Variants in CCNL1 observed in about 807,000 individuals in gnomAD.
CCNL1 encodes the protein cyclin-L1.
Under a neutral mutation model 60.6 loss-of-function variants are expected in CCNL1, and 13 were observed. The ratio of observed to expected loss-of-function variants is 0.21; its 90% confidence interval spans 0.14 to 0.34. CCNL1 has a LOEUF of 0.34. CCNL1 is among the 10% of genes least tolerant of loss of function. The pLI is 1.00. For synonymous variants in CCNL1, 270 were observed against 244.3 expected, an observed-to-expected ratio of 1.10 and a Z score of -0.98; for missense variants, 481 against 664.3, an observed-to-expected ratio of 0.72 and a Z score of 3.03.
At chr3:157,156,313 G>A (rs139306510) in intron 3 of CCNL1, among the ~76,000 whole-genome samples, 168 of 152,280 alleles carry the variant, frequency 1.1e-3, no homozygotes, top group African/African-American at 3.8e-3. Context: ...GTAGAAAGGT[G>A]GTAGACTAAA....
chr3:157,148,341 T>G lies in CCNL1; in HGVS notation c.1481A>C (p.His494Pro). 6.2e-7 allele frequency: 1 copy of G among 1,614,236 alleles called. No homozygotes were observed. Among genetic ancestry groups the G allele is most frequent in the Non-Finnish European group, 8.5e-7 (1 of 1,180,030 alleles). The change falls in exon 11 of 11, where the codon CAT becomes CCT. Residue 494 changes from histidine (H) to proline (P), a missense_variant. This residue lies in a region of CCNL1 where 197 missense variants were observed against 233.9 expected (regional missense o/e 0.84). Transcript: ENST00000295926. ...AAKKHRHERGHHRDRRERSRS... is the reference protein window; with the variant it reads ...AAKKHRHERGPHRDRRERSRS... ...AGATCGTTCACGCCTGTCCCTATGA[T>G]GTCCCCTTTCATGCCTGTGTTTCTT...
chr3:157,155,727 C>T (rs918930904), intron 3 of CCNL1, among the ~76,000 whole-genome samples: 2 of 152,114 alleles, frequency 1.3e-5, no homozygotes, highest in African/African-American at 4.8e-5. Context: ...TACATTAGTA[C>T]CTTCTGTTGC....
chr3:157,150,435 G>A (rs1738096898), intron 5 of CCNL1, 54 bp from the exon 6 acceptor site: 1 of 1,571,600 alleles, frequency 6.4e-7, no homozygotes, highest in East Asian at 2.3e-5. Context: ...TTCTTCTGAA[G>A]CTTACATAAA....
intron 4 of CCNL1, chr3:157,152,491 A>C: frequency 8.4e-7 from 1 of 1,185,538 alleles, no homozygotes; most frequent in Non-Finnish European, 1.0e-6. Flanking sequence ...TTTCATTGGC[A>C]CTTTACTATG....
In CCNL1 at chr3:157,148,509, C is replaced by T. The variant is rs748246366; in HGVS notation, c.1313G>A (p.Arg438Gln). ...AGGAGAACCATGATTATGATGTCTT[C>T]GAGGGCTTTCACTGTGACTGCGGGA... ...SRSRSHSESPRRHHNHGSPHL... is the reference protein window; with the variant it reads ...SRSRSHSESPQRHHNHGSPHL... The change falls in exon 11 of 11, where the codon CGA becomes CAA. Residue 438 changes from arginine to glutamine, a missense_variant. Physicochemically the swap from Arg to Gln is conservative, Grantham distance 43. Coordinates refer to ENST00000295926, the MANE Select transcript of CCNL1 (RefSeq NM_020307.4). 3.7e-6 allele frequency: 6 copies of T among 1,614,004 alleles called. No homozygotes were observed. Among genetic ancestry groups the T allele is most frequent in the African/African-American group, 1.3e-5 (1 of 74,876 alleles).
At position 157,158,895 on chromosome 3, in the gene CCNL1, G is replaced by A. The variant is rs1444130444; in HGVS notation, c.459C>T (p.Phe153=). 1.2e-6 allele frequency: 2 copies of A among 1,612,506 alleles called. No homozygotes were observed. Among genetic ancestry groups the A allele is most frequent in the African/African-American group, 1.3e-5 (1 of 74,866 alleles). Residue 153 remains phenylalanine, a synonymous_variant, in exon 3 of 11, where the codon TTC becomes TTT. Coordinates refer to ENST00000295926, the MANE Select transcript of CCNL1 (RefSeq NM_020307.4). ...TTCCTCTTAACTGGCGGAGGTGGTG[G>A]AATACATTAATCACATCTCTTATTC... The part of the protein sequence containing the change: ...PRRIRDVINV[F]HHLRQLRGKR...
At position 157,149,291 on chromosome 3, in the gene CCNL1, T is replaced by C. The variant is rs1737988729; in HGVS notation, c.1228A>G (p.Arg410Gly). Reference protein sequence around the residue: ...RSRSRSHTPRRHYNNRRSRSG... With the variant: ...RSRSRSHTPRGHYNNRRSRSG... The stretch of plus-strand genomic sequence containing the variant: ...CCTAAGAAAACATTTACTTACTGTC[T>C]TCTTGGAGTATGTGATCTAGAACGT... The change falls in exon 10 of 11, where the codon AGA becomes GGA. Residue 410 changes from arginine (R) to glycine (G), a missense_variant. By Grantham distance (125) the Arg-to-Gly change is moderately radical. Transcript: ENST00000295926. 1 of 1,609,774 alleles carries C rather than the reference T, an allele frequency of 6.2e-7. No individual in the cohort carries two copies.
intron 5 of CCNL1, 27 bp from the exon 6 acceptor site, chr3:157,150,408 G>T (rs1301473344): frequency 6.2e-7 from 1 of 1,605,922 alleles, no homozygotes; most frequent in Admixed American, 1.7e-5. Context: ...CTATAAGCTT[G>T]CATGTAAACA....
intron 3 of CCNL1, 49 bp downstream of exon 3, chr3:157,158,817 A>G: frequency 1.7e-6 from 2 of 1,174,544 alleles, no homozygotes; most frequent in South Asian, 2.5e-5. Context: ...TGACTGGTGC[A>G]CGGTACAGCA....
At chr3:157,153,553 G>A (rs1302685180) in intron 3 of CCNL1, 1 of 158,744 alleles carries the variant, frequency 6.3e-6, no homozygotes, top group East Asian at 1.9e-4. Context: ...CTCCAGGCTG[G>A]TCCGATGGTA....
rs1395628708 is a variant in CCNL1 at position 157,152,389 on chromosome 3, A to G, written c.610-148T>C. ...CAATTTAAATGTACATAAGATTCTA[A>G]TGTGAACTGCTACATGACTAGATTT... On this transcript the variant is annotated intron_variant, in intron 4 of 10. Transcript: ENST00000295926. 6 of 1,373,150 alleles carry G rather than the reference A, an allele frequency of 4.4e-6. No individual in the cohort carries two copies. The African/African-American group carries it at 9.0e-5, about 21-fold the overall frequency. 85.1% of individuals were successfully genotyped at this position (1,373,150 alleles called of 1,614,324 possible).
intron 3 of CCNL1, among the ~76,000 whole-genome samples, chr3:157,158,231 C>G (rs1738777548): frequency 6.6e-6 from 1 of 152,192 alleles, no homozygotes; most frequent in South Asian, 2.1e-4. Context: ...AAATGCAACC[C>G]AATCAATCTT....
At chr3:157,154,318 T>C (rs2108126329) in intron 3 of CCNL1, 1 of 152,346 alleles carries the variant, frequency 6.6e-6, no homozygotes, top group East Asian at 1.9e-4. Flanking sequence ...AACACATTCT[T>C]AGATTCAACC....
chr3:157,152,756 T>TC, intron 4 of CCNL1: 1 of 1,181,392 alleles, frequency 8.5e-7, no homozygotes, highest in Non-Finnish European at 1.0e-6. Flanking sequence ...TACATCTCTG[T>TC]TTTCTAGGTG....
chr3:157,159,514 T>A, intron 1 of CCNL1, 35 bp from the exon 2 acceptor site: 2 of 1,586,026 alleles, frequency 1.3e-6, no homozygotes, highest in Non-Finnish European at 1.7e-6. Flanking sequence ...AGCGCAGGGG[T>A]CAGGCGGGCC....
rs1738984372 is a variant in CCNL1 at position 157,160,116 on chromosome 3, A to AG, written c.-23dup. On this transcript the variant is annotated 5_prime_UTR_variant, in exon 1 of 11. Coordinates refer to ENST00000295926, the MANE Select transcript of CCNL1 (RefSeq NM_020307.4). The stretch of plus-strand genomic sequence containing the variant: ...CCATAGTCTTAGCGAGCCGCACGCA[A>AG]GCCCAACGCAGCCGGAACCCGAAAC... The AG allele has an allele frequency of 6.5e-7, 1 of 1,529,600 alleles. No homozygotes were observed. Among genetic ancestry groups the AG allele is most frequent in the Non-Finnish European group, 8.8e-7 (1 of 1,135,876 alleles). 94.8% of individuals were successfully genotyped at this position (1,529,600 alleles called of 1,614,324 possible). A position where few individuals can be genotyped will look rare whatever the true frequency, so the allele number is the denominator to read the frequency against.
At chr3:157,154,205 CAATT>C (rs1489223362) in intron 3 of CCNL1, 1 of 152,174 alleles carries the variant, frequency 6.6e-6, no homozygotes, top group Non-Finnish European at 1.5e-5. Context: ...TTATGTCATA[CAATT>C]CAAAACTGGT....
Position 157,147,799 on chromosome 3 carries a change from A to G in CCNL1, c.*442T>C, listed in dbSNP as rs1248664705. 1 of 983,266 alleles carries G rather than the reference A, an allele frequency of 1.0e-6. No homozygotes were observed. Among genetic ancestry groups the G allele is most frequent in the African/African-American group, 1.7e-5 (1 of 57,234 alleles). The allele number at this position is 983,266 out of a possible 1,614,324, so 60.9% of individuals were successfully genotyped here. On this transcript the variant is annotated 3_prime_UTR_variant, in exon 11 of 11. Coordinates refer to ENST00000295926, the MANE Select transcript of CCNL1 (RefSeq NM_020307.4). ...TTAAATAAGGTATTTGAAGCAGTTTAGAAAAAACAAGATTTGTATTTTATT... is the reference window on the plus strand; with the variant it reads ...TTAAATAAGGTATTTGAAGCAGTTTGGAAAAAACAAGATTTGTATTTTATT...
intron 10 of CCNL1, chr3:157,149,013 G>T: frequency 1.8e-5 from 6 of 326,022 alleles, no homozygotes; most frequent in Non-Finnish European, 2.8e-5. Flanking sequence ...AAAAAAAAAA[G>T]AAGTTTTCAC....
Sources: gnomAD v4.1 joint callset for allele counts (sites outside exome capture counted in the v4.1 genomes callset) on GRCh38, gnomAD v4.1.1 for gene constraint, gnomAD v4.1.1 regional missense constraint, MANE v1.5 for transcripts, NCBI Gene and HGNC (gene_info 2026-07-23, HGNC 2026-07-21) for gene names.